The following RAP2A variants were observed in gnomAD, a reference collection of about 807,000 sequenced individuals.
RAP2A encodes the protein RAP2A, member of RAS oncogene family.
In RAP2A, 5 loss-of-function variants were observed where a neutral mutation model predicts 15.1. The ratio of observed to expected loss-of-function variants is 0.33; its 90% CI spans 0.17 to 0.70. The LOEUF (loss-of-function observed/expected upper bound fraction) is 0.70, where lower values mean the gene tolerates loss of function less well. RAP2A is among the 30% of genes least tolerant of loss of function. RAP2A has a pLI of 0.68. For missense variants in RAP2A, 111 were observed against 240.3 expected, an observed-to-expected ratio of 0.46 and a Z score of 3.56; for synonymous variants, 110 against 99.7, an observed-to-expected ratio of 1.10 and a Z score of -0.62.
At chr13:97,441,764 T>G (rs1402212359) in intron 1 of RAP2A, 1 of 451,896 alleles carries the variant, frequency 2.2e-6, no homozygotes, top group Admixed American at 2.4e-5. Context: ...CTTATATTTT[T>G]CAGGCCTATG....
chr13:97,451,230 T>G (rs1390137736), intron 1 of RAP2A, among the ~76,000 whole-genome samples: 1 of 152,182 alleles, frequency 6.6e-6, no homozygotes, highest in Non-Finnish European at 1.5e-5. Context: ...ATAATCTTAC[T>G]GATTTTTTTT....
chr13:97,448,815 C>G (rs906123767), intron 1 of RAP2A, among the ~76,000 whole-genome samples: 2 of 152,130 alleles, frequency 1.3e-5, no homozygotes, highest in Admixed American at 1.3e-4. Flanking sequence ...TTACTTGGTG[C>G]TAGGAAGTAG....
At position 97,434,611 on chromosome 13, in the gene RAP2A, T is replaced by G; in HGVS notation, c.141T>G (p.Asp47Glu). 24 of 1,614,088 alleles carry G rather than the reference T, an allele frequency of 1.5e-5. No individual in the cohort carries two copies. The highest frequency in any genetic ancestry group is 1.9e-5 in the Non-Finnish European group (23 of 1,179,996). Residue 47 changes from aspartate to glutamate, a missense_variant, in exon 1 of 2, where the codon GAT becomes GAG. By Grantham distance (45) the Asp-to-Glu change is conservative (BLOSUM62 2). Transcript: ENST00000245304. ...TCTACCGCAAGGAGATCGAGGTGGA[T>G]TCGTCGCCGTCGGTGCTGGAGATCC... is the stretch of plus-strand genomic sequence containing the variant. ...EDFYRKEIEV[D>E]SSPSVLEILD...
intron 1 of RAP2A, among the ~76,000 whole-genome samples, chr13:97,453,327 A>C (rs1008332092): frequency 2.0e-5 from 3 of 151,208 alleles, no homozygotes; most frequent in Non-Finnish European, 4.4e-5. Context: ...CTATCACCAC[A>C]GGATCTCTCG....
intron 1 of RAP2A, among the ~76,000 whole-genome samples, chr13:97,442,878 A>C (rs1489868996): frequency 6.6e-6 from 1 of 152,232 alleles, no homozygotes; most frequent in Non-Finnish European, 1.5e-5. Flanking sequence ...GAAAGATAGC[A>C]TTTAGTCACT....
chr13:97,462,608 T>C (rs2066752701), intron 1 of RAP2A, among the ~76,000 whole-genome samples: 1 of 152,192 alleles, frequency 6.6e-6, no homozygotes, highest in South Asian at 2.1e-4. Flanking sequence ...TACAGTAAAT[T>C]TATATAAAGT....
Position 97,449,017 on chromosome 13 carries a change from A to G in RAP2A, c.314+14233A>G, listed in dbSNP as rs183780527. Among the ~76,000 whole-genome samples the G allele has an allele frequency of 1.9e-3, 285 of 152,256 alleles. 1 individual carries two copies. Among genetic ancestry groups the G allele is most frequent in the African/African-American group, 6.2e-3 (259 of 41,520 alleles). ...GTAATGAAGCTGTTGCCTCTCCCACAGTGGAGACTTTAGCATAGTAAGTTG... is the reference window on the plus strand; with the variant it reads ...GTAATGAAGCTGTTGCCTCTCCCACGGTGGAGACTTTAGCATAGTAAGTTG... On this transcript the variant is annotated intron_variant, in intron 1 of 1. Coordinates refer to ENST00000245304, the MANE Select transcript of RAP2A (RefSeq NM_021033.7).
chr13:97,458,330 T>C (rs1057132735), intron 1 of RAP2A, among the ~76,000 whole-genome samples: 3 of 152,186 alleles, frequency 2.0e-5, no homozygotes, highest in Admixed American at 6.5e-5. Flanking sequence ...AGTATGACCT[T>C]CTTTAAATAC....
At chr13:97,462,941 T>G (rs1489958043) in intron 1 of RAP2A, among the ~76,000 whole-genome samples, 1 of 152,234 alleles carries the variant, frequency 6.6e-6, no homozygotes, top group African/African-American at 2.4e-5. Flanking sequence ...TTATCCAGTT[T>G]CCTGAATGAT....
intron 1 of RAP2A, among the ~76,000 whole-genome samples, chr13:97,450,075 C>T (rs2066696097): frequency 1.3e-5 from 2 of 151,898 alleles, no homozygotes; most frequent in Admixed American, 6.6e-5. Flanking sequence ...GATAAATACT[C>T]TTCTGTTCAT....
At chr13:97,439,021 G>A (rs538302560) in intron 1 of RAP2A, among the ~76,000 whole-genome samples, 18 of 152,262 alleles carry the variant, frequency 1.2e-4, no homozygotes, top group Admixed American at 4.6e-4. Flanking sequence ...TCCAGTTGGG[G>A]CAGTGTTTAA....
At chr13:97,447,293 T>C (rs2066683887) in intron 1 of RAP2A, among the ~76,000 whole-genome samples, 1 of 152,226 alleles carries the variant, frequency 6.6e-6, no homozygotes, top group African/African-American at 2.4e-5. Context: ...AATGTATGTA[T>C]GTGCCCTTTG....
intron 1 of RAP2A, among the ~76,000 whole-genome samples, chr13:97,445,580 C>G (rs2066676073): frequency 6.6e-6 from 1 of 151,930 alleles, no homozygotes; most frequent in African/African-American, 2.4e-5. Flanking sequence ...TTGCATAAAC[C>G]CTATGTCTGT....
At chr13:97,446,680 GCTATGCTGCTGGAAAATTCA>G (rs1172698341) in intron 1 of RAP2A, among the ~76,000 whole-genome samples, 2 of 152,208 alleles carry the variant, frequency 1.3e-5, no homozygotes, top group African/African-American at 4.8e-5. Context: ...AGGAAGTCCA[GCTATGCTGCTGGAAAATTCA>G]CGGAGAGGCC....
chr13:97,434,317 C>T lies in RAP2A; in HGVS notation c.-154C>T. The T allele has an allele frequency of 2.4e-6, 1 of 425,420 alleles. No individual in the cohort carries two copies. The highest frequency in any genetic ancestry group is 3.1e-6 in the Non-Finnish European group (1 of 323,142). The allele number at this position is 425,420 out of a possible 1,614,324, so 26.4% of individuals were successfully genotyped here. On this transcript the variant is annotated 5_prime_UTR_variant, in exon 1 of 2. Coordinates refer to ENST00000245304, the MANE Select transcript of RAP2A (RefSeq NM_021033.7). ...CCGCTGCTCCCTCAGTTGCCGCCGCCGCCGCCGGCGCCCAGGGGGCCGCCG... is the reference window on the plus strand; with the variant it reads ...CCGCTGCTCCCTCAGTTGCCGCCGCTGCCGCCGGCGCCCAGGGGGCCGCCG...
intron 1 of RAP2A, among the ~76,000 whole-genome samples, chr13:97,437,936 CA>C (rs1242035257): frequency 6.6e-6 from 1 of 152,154 alleles, no homozygotes; most frequent in African/African-American, 2.4e-5. Context: ...GAAACTGACC[CA>C]TACTCCCTTA....
At chr13:97,463,386 A>G (rs1244982116) in intron 1 of RAP2A, among the ~76,000 whole-genome samples, 2 of 152,166 alleles carry the variant, frequency 1.3e-5, no homozygotes, top group African/African-American at 4.8e-5. Context: ...GCTTTTTCCA[A>G]ACGTGTTTAC....
chr13:97,442,908 A>C (rs2066663990), intron 1 of RAP2A, among the ~76,000 whole-genome samples: 1 of 152,234 alleles, frequency 6.6e-6, no homozygotes. Context: ...GATATAGCAT[A>C]TCTTTTGAGA....
intron 1 of RAP2A, among the ~76,000 whole-genome samples, chr13:97,461,984 A>ATATATATTTATATATT (rs2066748526): frequency 6.9e-6 from 1 of 144,216 alleles, no homozygotes; most frequent in African/African-American, 2.5e-5. Context: ...ATATATATAT[A>ATATATATTTATATATT]TATATTTATA....
Sources: allele counts gnomAD v4.1 joint callset (sites outside exome capture counted in the v4.1 genomes callset), GRCh38; gene constraint gnomAD v4.1.1; transcripts MANE v1.5; gene names NCBI Gene and HGNC (gene_info 2026-07-23, HGNC 2026-07-21).